Variants in UMAD1 observed in about 807,000 individuals in gnomAD.
UMAD1 encodes the protein UBAP1-MVB12-associated (UMA) domain containing 1.
Under a neutral mutation model 6.1 loss-of-function variants are expected in UMAD1, and 8 were observed. The ratio of observed to expected loss-of-function variants is 1.30; its 90% CI spans 0.76 to 2.35. UMAD1 has a LOEUF of 2.35. UMAD1 is among the 30% of genes most tolerant of loss of function. The probability of loss-of-function intolerance (pLI) is 0.00; values close to 1 mark genes in which losing one functional copy is unlikely to be tolerated. For synonymous variants in UMAD1, 56 were observed against 31.4 expected (o/e 1.78, Z -2.61); for missense variants, 130 against 78.4 (o/e 1.66, Z -2.49).
chr7:7,835,655 C>T (rs77421221), intron 3 of UMAD1, among the ~76,000 whole-genome samples: 305 of 151,748 alleles, frequency 2.0e-3, no homozygotes, highest in African/African-American at 6.9e-3. Context: ...TGATAAACAT[C>T]ATGATAAAAG....
intron 2 of UMAD1, among the ~76,000 whole-genome samples, chr7:7,782,236 G>A (rs1308178950): frequency 1.6e-5 from 2 of 128,730 alleles, no homozygotes; most frequent in Non-Finnish European, 3.5e-5. Context: ...TAAACTTTAG[G>A]ATAAATAAGG....
intron 3 of UMAD1, among the ~76,000 whole-genome samples, chr7:7,850,710 C>T (rs1049460003): frequency 1.5e-4 from 23 of 151,714 alleles, no homozygotes; most frequent in African/African-American, 5.3e-4. Context: ...AAACATATAT[C>T]TTAATGTGAT....
chr7:7,850,845 C>A (rs990689920), intron 3 of UMAD1, among the ~76,000 whole-genome samples: 5 of 151,964 alleles, frequency 3.3e-5, no homozygotes, highest in Admixed American at 6.6e-5. Context: ...GATTTTTAAG[C>A]ACCTTATAAG....
At chr7:7,820,211 TTAAATTATAGA>T (rs1218710889) in intron 3 of UMAD1, among the ~76,000 whole-genome samples, 2 of 28,282 alleles carry the variant, frequency 7.1e-5, no homozygotes, top group Non-Finnish European at 2.0e-4. Flanking sequence ...GAATTATTGA[TTAAATTATAGA>T]TAAATTATAG....
chr7:7,842,368 C>G (rs1023720733), intron 3 of UMAD1, among the ~76,000 whole-genome samples: 3 of 151,932 alleles, frequency 2.0e-5, no homozygotes, highest in African/African-American at 7.3e-5. Context: ...TATTTCTAAT[C>G]CAAAACGTGG....
intron 2 of UMAD1, among the ~76,000 whole-genome samples, chr7:7,690,602 A>G (rs1329050509): frequency 6.6e-6 from 1 of 152,178 alleles, no homozygotes; most frequent in Non-Finnish European, 1.5e-5. Flanking sequence ...AGGACATCTT[A>G]GGGATAATTC....
chr7:7,750,469 A>G lies in UMAD1; in HGVS notation c.83-51201A>G, dbSNP rs532360364. Among the ~76,000 whole-genome samples the G allele has an allele frequency of 3.9e-5, 6 of 152,312 alleles. No homozygotes were observed. The South Asian group carries it at 1.2e-3, about 32-fold the overall frequency. On this transcript the variant is annotated intron_variant, in intron 2 of 3. Transcript: ENST00000682710. ...TTGAAATGTACAATACTTGATGGAA[A>G]ATAATAAAACTCCACTCCAATTAGA...
At chr7:7,716,013 A>AT (rs5882134) in intron 2 of UMAD1, among the ~76,000 whole-genome samples, 8,213 of 152,244 alleles carry the variant, frequency 0.054, 264 homozygotes, top group Middle Eastern at 0.12. Flanking sequence ...AAATCGAATA[A>AT]TTTTTTAAAT....
chr7:7,641,399 C>G (rs1784970750), intron 1 of UMAD1: 1 of 152,302 alleles, frequency 6.6e-6, no homozygotes, highest in South Asian at 2.1e-4. Flanking sequence ...CTAGGGTTCT[C>G]CCTTCTGAGG....
At chr7:7,876,039 C>T (rs1041679038) in intron 3 of UMAD1, among the ~76,000 whole-genome samples, 2 of 152,060 alleles carry the variant, frequency 1.3e-5, no homozygotes, top group Non-Finnish European at 2.9e-5. Context: ...GGTGACAGAG[C>T]GAGACTCTGT....
At chr7:7,875,184 T>C (rs1784394819) in intron 3 of UMAD1, among the ~76,000 whole-genome samples, 1 of 152,130 alleles carries the variant, frequency 6.6e-6, no homozygotes, top group Non-Finnish European at 1.5e-5. Flanking sequence ...GGGACACAGC[T>C]AAAGCAGTGT....
chr7:7,805,551 TATGTC>T (rs145757532), intron 3 of UMAD1, among the ~76,000 whole-genome samples: 25,559 of 151,994 alleles, frequency 0.17, 2,205 homozygotes, highest in Middle Eastern at 0.21. Context: ...CAGACAGAAA[TATGTC>T]AGATCACATC....
Position 7,792,473 on chromosome 7 carries a change from T to G in UMAD1, c.83-9197T>G, listed in dbSNP as rs549006505. The stretch of plus-strand genomic sequence containing the variant: ...GAAACTAAACTGAATTGGAAGAGAT[T>G]TAAATGTAATGTGTTTAAAACTGAA... On this transcript the variant is annotated intron_variant, in intron 2 of 3. Transcript: ENST00000682710. Among the ~76,000 whole-genome samples the G allele has an allele frequency of 7.1e-4, 108 of 152,328 alleles. 1 individual carries two copies. Among genetic ancestry groups the G allele is most frequent in the East Asian group, 4.4e-3 (23 of 5,190 alleles).
In UMAD1 at chr7:7,830,881, G is replaced by A. The variant is rs1398700917; in HGVS notation, c.156+29138G>A. 6.6e-6 allele frequency among the ~76,000 whole-genome samples: 1 copy of A among 152,006 alleles called. No individual in the cohort carries two copies. The highest frequency in any genetic ancestry group is 1.5e-5 in the Non-Finnish European group (1 of 67,986). On this transcript the variant is annotated intron_variant, in intron 3 of 3. Coordinates refer to ENST00000682710, the MANE Select transcript of UMAD1 (RefSeq NM_001302348.2). The surrounding 1 kb of genome is among the most constrained non-coding windows in gnomAD (Gnocchi z 5.3). ...TTTAAGTATCTGCATAGAAAAATTTGTTATTAGTTTTTATGAATAAGCCAA... is the reference window on the plus strand; with the variant it reads ...TTTAAGTATCTGCATAGAAAAATTTATTATTAGTTTTTATGAATAAGCCAA...
chr7:7,825,399 AAAAG>A (rs2115300192), intron 3 of UMAD1, among the ~76,000 whole-genome samples: 1 of 152,304 alleles, frequency 6.6e-6, no homozygotes, highest in Non-Finnish European at 1.5e-5. Flanking sequence ...GGCATTTTAC[AAAAG>A]AAAGAGGTTT....
In UMAD1 at chr7:7,878,914, T is replaced by C. The variant is rs972473824; in HGVS notation, c.*1376T>C. The C allele has an allele frequency of 6.6e-6, 1 of 152,216 alleles. No homozygotes were observed. Among genetic ancestry groups the C allele is most frequent in the Non-Finnish European group, 1.5e-5 (1 of 68,018 alleles). The allele number at this position is 152,216 out of a possible 1,614,324, so 9.4% of individuals were successfully genotyped here. ...TGATTAAATTAGATCTTTACATAGT[T>C]CTTACAAAGCATCAGTCTAGGAAAT... On this transcript the variant is annotated 3_prime_UTR_variant, in exon 4 of 4. Transcript: ENST00000682710.
intron 1 of UMAD1, among the ~76,000 whole-genome samples, chr7:7,653,176 G>A (rs1785266622): frequency 6.6e-6 from 1 of 152,200 alleles, no homozygotes; most frequent in African/African-American, 2.4e-5. Flanking sequence ...AACACCAAAT[G>A]AAGTTGCTTC....
intron 3 of UMAD1, among the ~76,000 whole-genome samples, chr7:7,804,969 G>T (rs1197908200): frequency 1.4e-5 from 2 of 144,174 alleles, no homozygotes; most frequent in South Asian, 2.3e-4. Flanking sequence ...CGACAGAGCG[G>T]AACTCCTTCT....
chr7:7,727,407 C>T (rs961836068), intron 2 of UMAD1, among the ~76,000 whole-genome samples: 6 of 152,104 alleles, frequency 3.9e-5, no homozygotes, highest in African/African-American at 9.7e-5. Context: ...TTATGTTAGG[C>T]ATAATTATGA....
Sources: allele counts gnomAD v4.1 joint callset (sites outside exome capture counted in the v4.1 genomes callset), GRCh38; gene constraint gnomAD v4.1.1; non-coding constraint Gnocchi (gnomAD v3.1); transcripts MANE v1.5; gene names NCBI Gene and HGNC (gene_info 2026-07-23, HGNC 2026-07-21).